AK3: variants seen among roughly 807,000 people sequenced by gnomAD.
The protein encoded by AK3 is adenylate kinase 3.
Under a neutral mutation model 23.7 loss-of-function variants are expected in AK3, and 27 were observed. That is an observed-to-expected ratio of 1.14 (90% CI 0.84 to 1.57). The LOEUF (loss-of-function observed/expected upper bound fraction) is 1.57. Among genes scored for constraint, AK3 ranks in the 40% most tolerant of loss-of-function variants. AK3 has a pLI of 0.00. For synonymous variants in AK3, 159 were observed against 116.0 expected (o/e 1.37, Z -2.38); for missense variants, 406 against 285.6 (o/e 1.42, Z -3.04).
intron 1 of AK3, among the ~76,000 whole-genome samples, chr9:4,728,497 G>A (rs1842068837): frequency 6.6e-6 from 1 of 152,144 alleles, no homozygotes. Flanking sequence ...CTTGAACCTG[G>A]GAGGCGGAGG....
chr9:4,720,957 C>G (rs972066763), intron 2 of AK3, among the ~76,000 whole-genome samples: 8 of 152,166 alleles, frequency 5.3e-5, no homozygotes, highest in African/African-American at 1.9e-4. Flanking sequence ...GATAACCTGT[C>G]TCTCCACCCA....
At position 4,720,412 on chromosome 9, in the gene AK3, G is replaced by A. The variant is rs1180028872; in HGVS notation, c.272-1105C>T. On this transcript the variant is annotated intron_variant, in intron 2 of 4. Coordinates refer to ENST00000381809, the MANE Select transcript of AK3 (RefSeq NM_016282.4). The stretch of plus-strand genomic sequence containing the variant: ...AAATGACAAAAGTTAGGCCACACAT[G>A]GTGGCTCACACCTGTAATCTCAGCA... Among the ~76,000 whole-genome samples the A allele has an allele frequency of 2.6e-5, 4 of 152,246 alleles. No individual in the cohort carries two copies. In the East Asian group the frequency reaches 7.7e-4, roughly 29 times the overall value.
intron 1 of AK3, among the ~76,000 whole-genome samples, chr9:4,735,553 A>G (rs932742755): frequency 1.3e-4 from 19 of 143,330 alleles, no homozygotes; most frequent in African/African-American, 4.5e-4. Context: ...TCTTGGCTCA[A>G]TGCAACCTCC....
chr9:4,738,109 G>C (rs895953389), intron 1 of AK3, among the ~76,000 whole-genome samples: 1 of 152,146 alleles, frequency 6.6e-6, no homozygotes, highest in Non-Finnish European at 1.5e-5. Flanking sequence ...ACAAACAATA[G>C]TTAACAACAT....
At position 4,712,394 on chromosome 9, in the gene AK3, G is replaced by C. The variant is rs1396892346; in HGVS notation, c.*582C>G. The stretch of plus-strand genomic sequence containing the variant: ...AAAATTCTGAGTAAACTGAAAGTAT[G>C]CTTAACGACAAAATAAATACAGCAT... On this transcript the variant is annotated 3_prime_UTR_variant, in exon 5 of 5. Coordinates refer to ENST00000381809, the MANE Select transcript of AK3 (RefSeq NM_016282.4). 2.6e-5 allele frequency: 4 copies of C among 152,122 alleles called. No homozygotes were observed. Among genetic ancestry groups the C allele is most frequent in the African/African-American group, 9.7e-5 (4 of 41,430 alleles). The allele number at this position is 152,122 out of a possible 1,614,324, so 9.4% of individuals were successfully genotyped here. A position where few individuals can be genotyped will look rare whatever the true frequency, so the allele number is the denominator to read the frequency against.
chr9:4,741,040 CG>C lies in AK3; in HGVS notation c.47del (p.Pro16ArgfsTer18). ...RLLRAVIMGA[P>X]GSGKGTVSSR... ...ACGACACGGTGCCCTTGCCCGAGCC[CG>C]GGGCCCCCATGATCACCGCTCGCAG... is the stretch of plus-strand genomic sequence containing the variant. On this transcript the variant is annotated frameshift_variant, in exon 1 of 5. Coordinates refer to ENST00000381809, the MANE Select transcript of AK3 (RefSeq NM_016282.4). LOFTEE classifies it high-confidence loss of function. 2 of 1,576,970 alleles carry C rather than the reference CG, an allele frequency of 1.3e-6. No individual in the cohort carries two copies. The highest frequency in any genetic ancestry group is 1.7e-6 in the Non-Finnish European group (2 of 1,164,086).
At position 4,712,951 on chromosome 9, in the gene AK3, T is replaced by C; in HGVS notation, c.*25A>G. 7 of 1,609,414 alleles carry C rather than the reference T, an allele frequency of 4.3e-6. No individual in the cohort carries two copies. The highest frequency in any genetic ancestry group is 5.1e-6 in the Non-Finnish European group (6 of 1,177,880). On this transcript the variant is annotated 3_prime_UTR_variant, in exon 5 of 5. Transcript: ENST00000381809. The stretch of plus-strand genomic sequence containing the variant: ...GGACTAGGAGGTTTGCCCATCTTAC[T>C]ATTAATAGTTACACACATTTCTCCT...
rs187343596 is a variant in AK3 at position 4,718,715 on chromosome 9, C to T, written c.445-178G>A. 1.7e-4 allele frequency among the ~76,000 whole-genome samples: 26 copies of T among 152,254 alleles called. No homozygotes were observed. In the East Asian group the frequency reaches 2.1e-3, roughly 12 times the overall value. ...AGATCATCGCAACAGAAACAGGGTA[C>T]GCCAGTTTCATTTCTACAGTTATCA... is the stretch of plus-strand genomic sequence containing the variant. On this transcript the variant is annotated intron_variant, in intron 3 of 4. Transcript: ENST00000381809.
At chr9:4,739,081 T>C (rs773144949) in intron 1 of AK3, among the ~76,000 whole-genome samples, 5 of 152,094 alleles carry the variant, frequency 3.3e-5, no homozygotes, top group Non-Finnish European at 7.4e-5. Context: ...CCTACTCTCC[T>C]AGACTTTGGT....
chr9:4,739,887 A>G (rs1395243235), intron 1 of AK3, among the ~76,000 whole-genome samples: 1 of 152,092 alleles, frequency 6.6e-6, no homozygotes, highest in Non-Finnish European at 1.5e-5. Flanking sequence ...TCCGTCTCAA[A>G]AAACAAACAA....
rs1021570692 is a variant in AK3 at position 4,728,986 on chromosome 9, T to C, written c.152-6361A>G. 8.6e-3 allele frequency among the ~76,000 whole-genome samples: 722 copies of C among 84,060 alleles called. 8 individuals are homozygous for C. The highest frequency in any genetic ancestry group is 0.031 in the South Asian group (89 of 2,836). 55.1% of individuals were successfully genotyped at this position (84,060 alleles called of 152,430 possible). ...ATACATATATATACCTACATATATA[T>C]ACACACACACACATATATATATATA... On this transcript the variant is annotated intron_variant, in intron 1 of 4. Coordinates refer to ENST00000381809, the MANE Select transcript of AK3 (RefSeq NM_016282.4).
chr9:4,717,044 C>T (rs1587638006), intron 4 of AK3, among the ~76,000 whole-genome samples: 1 of 152,306 alleles, frequency 6.6e-6, no homozygotes, highest in East Asian at 1.9e-4. Flanking sequence ...GCTTTCTATG[C>T]GTCAGGCCCA....
intron 1 of AK3, among the ~76,000 whole-genome samples, chr9:4,738,323 G>A (rs563454871): frequency 6.6e-6 from 1 of 152,184 alleles, no homozygotes; most frequent in South Asian, 2.1e-4. Flanking sequence ...CCACCACCAT[G>A]CCTGGCTAAT....
chr9:4,741,035 G>A lies in AK3; in HGVS notation c.53C>T (p.Ser18Leu). ...LRAVIMGAPG[S>L]GKGTVSSRIT... ...GCGCGACGACACGGTGCCCTTGCCC[G>A]AGCCCGGGGCCCCCATGATCACCGC... Residue 18 changes from serine to leucine, a missense_variant, in exon 1 of 5, where the codon TCG becomes TTG. By Grantham distance (145) the Ser-to-Leu change is moderately radical (BLOSUM62 -2). Transcript: ENST00000381809. 2 of 1,579,776 alleles carry A rather than the reference G, an allele frequency of 1.3e-6. No individual in the cohort carries two copies. The highest frequency in any genetic ancestry group is 1.8e-5 in the Admixed American group (1 of 55,146).
At chr9:4,715,619 G>A (rs1007058850) in intron 4 of AK3, among the ~76,000 whole-genome samples, 43 of 152,040 alleles carry the variant, frequency 2.8e-4, no homozygotes, top group African/African-American at 9.6e-4. Flanking sequence ...GGCTGATCTT[G>A]AATTCCTGCC....
chr9:4,728,091 T>A (rs918554035), intron 1 of AK3, among the ~76,000 whole-genome samples: 3 of 152,288 alleles, frequency 2.0e-5, no homozygotes, highest in South Asian at 2.1e-4. Flanking sequence ...TTAACAGATA[T>A]AATAATAATG....
intron 1 of AK3, among the ~76,000 whole-genome samples, chr9:4,729,372 A>G (rs572139247): frequency 2.0e-5 from 3 of 152,156 alleles, no homozygotes; most frequent in Admixed American, 2.0e-4. Context: ...GCTATTCAGG[A>G]GGCTGAGGCA....
rs1467257543 is a variant in AK3 at position 4,712,762 on chromosome 9, A to T, written c.*214T>A. The T allele has an allele frequency of 2.5e-6, 1 of 404,948 alleles. No homozygotes were observed. Among genetic ancestry groups the T allele is most frequent in the Non-Finnish European group, 4.2e-6 (1 of 240,198 alleles). 25.1% of individuals were successfully genotyped at this position (404,948 alleles called of 1,614,324 possible). ...GACATCGCTGATGTTTTTGAGGATA[A>T]CTGCATACAACACACTAGATGATTT... On this transcript the variant is annotated 3_prime_UTR_variant, in exon 5 of 5. Coordinates refer to ENST00000381809, the MANE Select transcript of AK3 (RefSeq NM_016282.4).
At chr9:4,732,025 C>G (rs1427610523) in intron 1 of AK3, among the ~76,000 whole-genome samples, 1 of 152,180 alleles carries the variant, frequency 6.6e-6, no homozygotes, top group Non-Finnish European at 1.5e-5. Flanking sequence ...TCATAGCTCA[C>G]TGCAGCCTCG....
Sources: allele counts gnomAD v4.1 joint callset (sites outside exome capture counted in the v4.1 genomes callset), GRCh38; gene constraint gnomAD v4.1.1; transcripts MANE v1.5; gene names NCBI Gene and HGNC (gene_info 2026-07-23, HGNC 2026-07-21).